Variants in GNG2 observed in about 807,000 individuals in gnomAD.
GNG2 encodes G protein subunit gamma 2, also known as guanine nucleotide-binding protein G(I)/G(S)/G(O) subunit gamma-2.
GNG2 carries 5 observed loss-of-function variants against 5.5 expected under a neutral mutation model. The observed-to-expected ratio is 0.91, with a 90% CI of 0.48 to 1.92. GNG2 has a LOEUF of 1.92. GNG2 is among the 30% of genes most tolerant of loss of function. GNG2 has a pLI of 0.01. For missense variants in GNG2, 55 were observed against 88.4 expected, an observed-to-expected ratio of 0.62 and a Z score of 1.52; for synonymous variants, 28 against 32.0, an observed-to-expected ratio of 0.88 and a Z score of 0.42.
At chr14:51,919,090 G>T (rs1886845492) in intron 2 of GNG2, among the ~76,000 whole-genome samples, 2 of 152,130 alleles carry the variant, frequency 1.3e-5, no homozygotes, top group African/African-American at 4.8e-5. Flanking sequence ...CTCCCAAAGT[G>T]CTGGCATTAC....
At chr14:51,904,423 C>A (rs1328604383) in intron 2 of GNG2, among the ~76,000 whole-genome samples, 1 of 152,158 alleles carries the variant, frequency 6.6e-6, no homozygotes, top group Non-Finnish European at 1.5e-5. Context: ...AAGTGCCTTA[C>A]CATCTTGCAT....
intron 2 of GNG2, chr14:51,841,383 G>A (rs1881476760): frequency 1.9e-6 from 1 of 518,402 alleles, no homozygotes; most frequent in Non-Finnish European, 3.5e-6. Flanking sequence ...GGAACCCTAT[G>A]TTTAGAGGCT....
rs11288986 is a variant in GNG2 at position 51,925,787 on chromosome 14, A to AT, written c.-29-24849dup. Among the ~76,000 whole-genome samples, 1,022 of 147,220 alleles carry AT rather than the reference A, an allele frequency of 6.9e-3. 6 individuals carry two copies. The highest frequency in any genetic ancestry group is 0.011 in the Non-Finnish European group (707 of 66,514). The stretch of plus-strand genomic sequence containing the variant: ...CCACTATGCCCGGCTAATTTTTGTA[A>AT]TTTTTTTTTTTTTTAGTAGAAATGG... On this transcript the variant is annotated intron_variant, in intron 2 of 3. Coordinates refer to ENST00000556766, the MANE Select transcript of GNG2 (RefSeq NM_053064.5).
chr14:51,827,741 G>A (rs1342950758), exon 2 of GNG2: 8 of 701,902 alleles, frequency 1.1e-5, no homozygotes, highest in South Asian at 1.0e-4. Context: ...CTGGTCTAGG[G>A]GCATGCAGGG....
chr14:51,896,292 GT>G (rs1337162440), intron 2 of GNG2, among the ~76,000 whole-genome samples: 1 of 152,132 alleles, frequency 6.6e-6, no homozygotes, highest in East Asian at 1.9e-4. Context: ...TAATTATCAA[GT>G]TTTTTTATAA....
chr14:51,887,167 A>G (rs1484381219), intron 2 of GNG2, among the ~76,000 whole-genome samples: 1 of 152,142 alleles, frequency 6.6e-6, no homozygotes, highest in Non-Finnish European at 1.5e-5. Flanking sequence ...AAACCACCCT[A>G]TGCTTTCCTT....
intron 2 of GNG2, among the ~76,000 whole-genome samples, chr14:51,883,852 T>C (rs1884263510): frequency 6.6e-6 from 1 of 152,162 alleles, no homozygotes; most frequent in African/African-American, 2.4e-5. Flanking sequence ...ATATACTGTG[T>C]ACTATAACTG....
At chr14:51,889,239 A>C (rs1354978267) in intron 2 of GNG2, among the ~76,000 whole-genome samples, 1 of 151,766 alleles carries the variant, frequency 6.6e-6, no homozygotes, top group African/African-American at 2.4e-5. Flanking sequence ...CAGCCTCCCA[A>C]GTAGCTGGGA....
At chr14:51,912,685 G>A in intron 2 of GNG2, among the ~76,000 whole-genome samples, 1 of 152,218 alleles carries the variant, frequency 6.6e-6, no homozygotes, top group East Asian at 1.9e-4. Flanking sequence ...TTCCCTACAA[G>A]GTTACCAGCC....
At chr14:51,891,885 G>A (rs1387026754) in intron 2 of GNG2, among the ~76,000 whole-genome samples, 1 of 152,162 alleles carries the variant, frequency 6.6e-6, no homozygotes, top group African/African-American at 2.4e-5. Context: ...ATGCTGCTGT[G>A]TGCATTCTGT....
rs78453903 is a variant in GNG2, at chr14:51,851,419, A to G, written c.64+23612A>G. Among the ~76,000 whole-genome samples the G allele has an allele frequency of 3.3e-5, 5 of 152,352 alleles. No individual in the cohort carries two copies. In the East Asian group the frequency reaches 9.6e-4, roughly 29 times the overall value. On this transcript the variant is annotated intron_variant, in intron 2 of 3. Transcript: ENST00000553432. The stretch of plus-strand genomic sequence containing the variant: ...CAGTTTTGACTCTTATACTAAGAGT[A>G]CATACTAACCTCATCATTTACTTAT...
intron 2 of GNG2, among the ~76,000 whole-genome samples, chr14:51,898,316 G>A (rs1213953780): frequency 1.3e-5 from 2 of 152,124 alleles, no homozygotes; most frequent in Non-Finnish European, 2.9e-5. Flanking sequence ...AATTTTAAGG[G>A]TAGAAGTAGC....
chr14:51,952,177 T>C (rs1053970504), intron 3 of GNG2: 2 of 402,868 alleles, frequency 5.0e-6, no homozygotes, highest in African/African-American at 2.0e-5. Context: ...TCTCTACAAG[T>C]AAGATGAGCA....
chr14:51,958,953 G>A (rs575324118), intron 3 of GNG2, among the ~76,000 whole-genome samples: 10 of 152,212 alleles, frequency 6.6e-5, no homozygotes, highest in South Asian at 2.1e-4. Context: ...GACTCCAGAC[G>A]GCTAAATTTA....
chr14:51,886,754 T>G (rs1241042870), intron 2 of GNG2, among the ~76,000 whole-genome samples: 1 of 152,204 alleles, frequency 6.6e-6, no homozygotes, highest in Non-Finnish European at 1.5e-5. Context: ...TAACCTGAAC[T>G]GATTCTTCCA....
At chr14:51,843,940 C>T (rs1881554336) in intron 2 of GNG2, among the ~76,000 whole-genome samples, 1 of 152,160 alleles carries the variant, frequency 6.6e-6, no homozygotes. Flanking sequence ...CCCCTTTCTC[C>T]TCCCCACCCC....
chr14:51,829,412 C>T (rs1185366966), intron 2 of GNG2, among the ~76,000 whole-genome samples: 3 of 152,184 alleles, frequency 2.0e-5, no homozygotes, highest in Non-Finnish European at 4.4e-5. Flanking sequence ...CCTTACCTAG[C>T]TCAGATTCCA....
intron 2 of GNG2, among the ~76,000 whole-genome samples, chr14:51,830,854 A>G (rs1241687644): frequency 6.6e-6 from 1 of 152,228 alleles, no homozygotes; most frequent in African/African-American, 2.4e-5. Flanking sequence ...TTGCTCCTCT[A>G]AAGTCCTCCA....
upstream of GNG2, among the ~76,000 whole-genome samples, chr14:51,856,568 G>T (rs1438998474): frequency 6.6e-6 from 1 of 152,144 alleles, no homozygotes; most frequent in African/African-American, 2.4e-5. Flanking sequence ...GAGTAGTTGG[G>T]ACTACAGGCG....
Sources: gnomAD v4.1 joint callset for allele counts (sites outside exome capture counted in the v4.1 genomes callset) on GRCh38, gnomAD v4.1.1 for gene constraint, MANE v1.5 for transcripts, NCBI Gene and HGNC (gene_info 2026-07-23, HGNC 2026-07-21) for gene names.